Variants in CLVS1 observed in about 807,000 individuals in gnomAD.
The protein encoded by CLVS1 is clavesin 1.
A neutral mutation model predicts 33.1 loss-of-function variants in CLVS1; 10 were observed. That is an observed-to-expected ratio of 0.30 (90% CI 0.19 to 0.51). CLVS1 has a LOEUF of 0.51. Ranked by LOEUF, CLVS1 falls within the 20% of genes least tolerant of loss-of-function variation. The pLI is 0.97. For missense variants in CLVS1, 343 were observed against 433.4 expected, an observed-to-expected ratio of 0.79 and a Z score of 1.85; for synonymous variants, 163 against 166.1, an observed-to-expected ratio of 0.98 and a Z score of 0.14.
chr8:61,127,514 C>T (rs970999246), intron 1 of CLVS1, among the ~76,000 whole-genome samples: 19 of 152,194 alleles, frequency 1.2e-4, no homozygotes, highest in Middle Eastern at 3.4e-3. Flanking sequence ...GCCACTGGTG[C>T]CCAGCCTCAA....
chr8:61,073,512 T>C (rs1368825135), intron 1 of CLVS1, among the ~76,000 whole-genome samples: 6 of 152,220 alleles, frequency 3.9e-5, no homozygotes, highest in Admixed American at 6.5e-5. Flanking sequence ...AGAATCTGTT[T>C]GTTCATTCAC....
chr8:61,487,005 G>A (rs982894018), intron 5 of CLVS1, among the ~76,000 whole-genome samples: 1 of 152,186 alleles, frequency 6.6e-6, no homozygotes, highest in African/African-American at 2.4e-5. Context: ...CTATGTGTGA[G>A]TTGTTGCTAG....
At chr8:61,244,191 T>TG (rs1808761363) in intron 2 of CLVS1, among the ~76,000 whole-genome samples, 2 of 151,992 alleles carry the variant, frequency 1.3e-5, no homozygotes, top group Admixed American at 1.3e-4. Flanking sequence ...TGCATTTTTT[T>TG]TTTAATCCTT....
At chr8:61,423,043 T>C (rs576512706) in intron 3 of CLVS1, among the ~76,000 whole-genome samples, 3 of 152,272 alleles carry the variant, frequency 2.0e-5, no homozygotes, top group Admixed American at 1.3e-4. Flanking sequence ...CCACTGATTG[T>C]TCTTAATGGG....
At chr8:61,364,381 C>A in intron 2 of CLVS1, among the ~76,000 whole-genome samples, 1 of 152,198 alleles carries the variant, frequency 6.6e-6, no homozygotes, top group East Asian at 1.9e-4. Context: ...GGAAGATAAA[C>A]TGTTGAAGGA....
chr8:61,380,315 A>G (rs780913015), intron 3 of CLVS1, among the ~76,000 whole-genome samples: 2 of 152,212 alleles, frequency 1.3e-5, no homozygotes, highest in Non-Finnish European at 2.9e-5. Flanking sequence ...GAGCTTGGTT[A>G]TGCCCTTCAC....
intron 1 of CLVS1, among the ~76,000 whole-genome samples, chr8:61,069,865 A>C (rs1277788232): frequency 6.6e-6 from 1 of 151,996 alleles, no homozygotes; most frequent in South Asian, 2.1e-4. Context: ...ATCTTGGCTT[A>C]CTATAGCCTC....
chr8:61,204,642 A>C (rs1370835802), intron 2 of CLVS1, among the ~76,000 whole-genome samples: 1 of 152,238 alleles, frequency 6.6e-6, no homozygotes, highest in African/African-American at 2.4e-5. Flanking sequence ...TTCATAGAAC[A>C]AAATAAATGT....
At chr8:61,244,705 A>C (rs1242106314) in intron 2 of CLVS1, among the ~76,000 whole-genome samples, 1 of 152,226 alleles carries the variant, frequency 6.6e-6, no homozygotes, top group Non-Finnish European at 1.5e-5. Context: ...CAAGACATTA[A>C]TAATAGTGGT....
At chr8:61,072,245 C>A (rs193229393) in intron 1 of CLVS1, among the ~76,000 whole-genome samples, 1 of 152,330 alleles carries the variant, frequency 6.6e-6, no homozygotes, top group African/African-American at 2.4e-5. Context: ...CCTCTGTCCT[C>A]TGTCCACTTC....
chr8:61,387,765 T>C (rs1049559059), intron 3 of CLVS1, among the ~76,000 whole-genome samples: 1 of 152,232 alleles, frequency 6.6e-6, no homozygotes, highest in African/African-American at 2.4e-5. Context: ...TCACTTAGAA[T>C]AATGGTCTTT....
Position 61,293,315 on chromosome 8 carries a change from A to G in CLVS1, c.-152+5177A>G, listed in dbSNP as rs745541029. ...GTTGGCTAACATTTAAAGAAAGTCA[A>G]TGAATTCAGGGTCACTTTTTACCCA... On this transcript the variant is annotated intron_variant, in intron 1 of 5. Transcript: ENST00000325897. Among the ~76,000 whole-genome samples, 49 of 152,198 alleles carry G rather than the reference A, an allele frequency of 3.2e-4. 2 individuals are homozygous for G. Among genetic ancestry groups the G allele is most frequent in the Admixed American group, 2.0e-3 (31 of 15,274 alleles).
intron 2 of CLVS1, among the ~76,000 whole-genome samples, chr8:61,235,994 G>T (rs1450311107): frequency 6.6e-6 from 1 of 152,158 alleles, no homozygotes; most frequent in Non-Finnish European, 1.5e-5. Flanking sequence ...GGAGGCTGGG[G>T]TCCAATCTGT....
intron 2 of CLVS1, among the ~76,000 whole-genome samples, chr8:61,306,042 G>A (rs1036843251): frequency 2.6e-5 from 4 of 152,068 alleles, no homozygotes; most frequent in East Asian, 1.9e-4. Flanking sequence ...ATATTCCTTC[G>A]GGTATATATC....
intron 3 of CLVS1, among the ~76,000 whole-genome samples, chr8:61,392,851 C>G (rs1403540862): frequency 6.7e-6 from 1 of 149,746 alleles, no homozygotes; most frequent in African/African-American, 2.5e-5. Flanking sequence ...TCAAAAAAAA[C>G]ATATATTTTA....
chr8:61,273,149 T>A (rs1233398285), intron 2 of CLVS1, among the ~76,000 whole-genome samples: 68 of 148,964 alleles, frequency 4.6e-4, no homozygotes, highest in African/African-American at 1.6e-3. Context: ...TTGATGATGG[T>A]GATGTACAGA....
chr8:61,177,065 G>C (rs1400201507), intron 2 of CLVS1, among the ~76,000 whole-genome samples: 4 of 152,006 alleles, frequency 2.6e-5, no homozygotes, highest in Non-Finnish European at 5.9e-5. Flanking sequence ...CTAAGCTCCC[G>C]GAGTGGCGAG....
intron 2 of CLVS1, among the ~76,000 whole-genome samples, chr8:61,179,707 TAC>T (rs1807193308): frequency 1.3e-5 from 2 of 152,084 alleles, no homozygotes; most frequent in Non-Finnish European, 2.9e-5. Flanking sequence ...ACCACACAAC[TAC>T]ATGGAAATTG....
chr8:61,016,045 A>G, the CLVS1 span, among the ~76,000 whole-genome samples: 11 of 152,376 alleles, frequency 7.2e-5, no homozygotes, highest in African/African-American at 2.6e-4. Context: ...GAGTGCCAAC[A>G]TGACATAGTG....
Sources: allele counts gnomAD v4.1 joint callset (sites outside exome capture counted in the v4.1 genomes callset), GRCh38; gene constraint gnomAD v4.1.1; transcripts MANE v1.5; gene names NCBI Gene and HGNC (gene_info 2026-07-23, HGNC 2026-07-21).